The following NCALD variants were observed in gnomAD, a reference collection of about 807,000 sequenced individuals.
NCALD encodes neurocalcin-delta.
Under a neutral mutation model 18.6 loss-of-function variants are expected in NCALD, and 10 were observed. That is an observed-to-expected ratio of 0.54 (90% confidence interval 0.33 to 0.91). The LOEUF is 0.91. Ranked by LOEUF, NCALD falls within the 40% of genes least tolerant of loss-of-function variation. The pLI is 0.03. For missense variants in NCALD, 184 were observed against 247.6 expected (o/e 0.74, Z 1.72); for synonymous variants, 88 against 87.4 (o/e 1.01, Z -0.04).
intron 3 of NCALD, among the ~76,000 whole-genome samples, chr8:101,903,774 C>T (rs2131577571): frequency 6.6e-6 from 1 of 152,316 alleles, no homozygotes; most frequent in East Asian, 1.9e-4. Context: ...TGTTTTCTTC[C>T]TCAGTCTCAT....
At chr8:101,730,479 CAAAA>C (rs869241027) in intron 1 of NCALD, among the ~76,000 whole-genome samples, 13 of 43,668 alleles carry the variant, frequency 3.0e-4, no homozygotes, top group Admixed American at 6.0e-4. Context: ...GACTCCATCT[CAAAA>C]AAAAAAAAAA....
At chr8:101,819,797 C>A (rs1275734614) in intron 4 of NCALD, among the ~76,000 whole-genome samples, 1 of 152,130 alleles carries the variant, frequency 6.6e-6, no homozygotes, top group East Asian at 1.9e-4. Flanking sequence ...GGCGGTGGTA[C>A]AGAGTGAAGA....
At chr8:101,823,782 T>A (rs893113596) in intron 4 of NCALD, among the ~76,000 whole-genome samples, 4 of 152,156 alleles carry the variant, frequency 2.6e-5, no homozygotes, top group African/African-American at 9.7e-5. Flanking sequence ...CTGAGTATGG[T>A]GGAGGCTGAC....
At chr8:102,029,877 T>C (rs1482891021) in intron 1 of NCALD, among the ~76,000 whole-genome samples, 1 of 152,206 alleles carries the variant, frequency 6.6e-6, no homozygotes, top group African/African-American at 2.4e-5. Flanking sequence ...AGATTAATTA[T>C]ATTATTCCTA....
At chr8:101,866,423 A>G (rs992882127) in intron 4 of NCALD, among the ~76,000 whole-genome samples, 1 of 152,114 alleles carries the variant, frequency 6.6e-6, no homozygotes, top group African/African-American at 2.4e-5. Context: ...CACCAAATTT[A>G]TATCTCCAGT....
intron 1 of NCALD, among the ~76,000 whole-genome samples, chr8:101,734,135 G>C (rs1421691802): frequency 6.6e-6 from 1 of 152,190 alleles, no homozygotes; most frequent in Non-Finnish European, 1.5e-5. Flanking sequence ...ACTGCCTCTA[G>C]TTGGTCTTGT....
rs1170479002 is a variant in NCALD, at chr8:101,869,429, T to C, written c.-20+17712A>G. 2.0e-5 allele frequency among the ~76,000 whole-genome samples: 3 copies of C among 152,188 alleles called. No individual in the cohort carries two copies. The East Asian group carries it at 5.8e-4, about 29-fold the overall frequency. ...GGGAAGACATTCTCCCCATAGGGCATCCAGAAGGAATGCAGCCCTGCTGGG... is the reference window on the plus strand; with the variant it reads ...GGGAAGACATTCTCCCCATAGGGCACCCAGAAGGAATGCAGCCCTGCTGGG... On this transcript the variant is annotated intron_variant, in intron 4 of 6. Transcript: ENST00000311028.
chr8:102,040,508 G>A (rs1405226976), intron 1 of NCALD, among the ~76,000 whole-genome samples: 1 of 151,596 alleles, frequency 6.6e-6, no homozygotes, highest in Non-Finnish European at 1.5e-5. Context: ...GAAATCTAAG[G>A]TTTCAACAGA....
chr8:101,891,682 G>A (rs999189595), intron 3 of NCALD, among the ~76,000 whole-genome samples: 15 of 152,224 alleles, frequency 9.9e-5, no homozygotes, highest in Non-Finnish European at 1.6e-4. Context: ...GAAGCAGGGC[G>A]AGGCATTGCC....
chr8:102,003,463 A>T (rs59719503), intron 2 of NCALD, among the ~76,000 whole-genome samples: 2,716 of 152,224 alleles, frequency 0.018, 42 homozygotes, highest in South Asian at 0.085. Flanking sequence ...AAGGAGGAGC[A>T]GGTACCATTC....
intron 2 of NCALD, among the ~76,000 whole-genome samples, chr8:101,988,276 G>A (rs570027738): frequency 6.6e-6 from 1 of 151,658 alleles, no homozygotes; most frequent in East Asian, 1.9e-4. Flanking sequence ...TGGAAAATCT[G>A]AAAAGTGTTA....
At chr8:101,967,011 G>A (rs777563019) in intron 2 of NCALD, among the ~76,000 whole-genome samples, 7 of 152,114 alleles carry the variant, frequency 4.6e-5, no homozygotes, top group Admixed American at 1.3e-4. Flanking sequence ...GAATATATAC[G>A]TGTGTGTGTT....
chr8:101,816,061 T>A (rs1273299305), intron 4 of NCALD, among the ~76,000 whole-genome samples: 2 of 152,190 alleles, frequency 1.3e-5, no homozygotes, highest in African/African-American at 4.8e-5. Flanking sequence ...TACTGTATGA[T>A]TCCAACTATA....
intron 1 of NCALD, among the ~76,000 whole-genome samples, chr8:102,047,132 C>A (rs1823273415): frequency 6.7e-6 from 1 of 148,876 alleles, no homozygotes; most frequent in Admixed American, 6.7e-5. Flanking sequence ...GGTGTTCCTG[C>A]AAAAGACATG....
chr8:101,930,669 G>A (rs962725181), intron 2 of NCALD, among the ~76,000 whole-genome samples: 4 of 152,020 alleles, frequency 2.6e-5, no homozygotes, highest in Admixed American at 6.6e-5. Context: ...AACACAGAGC[G>A]CACACAATGG....
chr8:101,847,554 G>C (rs988461994), intron 4 of NCALD, among the ~76,000 whole-genome samples: 1 of 152,152 alleles, frequency 6.6e-6, no homozygotes, highest in South Asian at 2.1e-4. Context: ...ATATGAGAAA[G>C]GGAAAGCCCC....
intron 2 of NCALD, among the ~76,000 whole-genome samples, chr8:102,019,432 C>T (rs1418878448): frequency 6.6e-6 from 1 of 152,040 alleles, no homozygotes; most frequent in African/African-American, 2.4e-5. Context: ...CATATGTATT[C>T]AACAGAAATA....
At chr8:101,878,940 C>A (rs1816346688) in intron 4 of NCALD, among the ~76,000 whole-genome samples, 1 of 152,182 alleles carries the variant, frequency 6.6e-6, no homozygotes, top group East Asian at 1.9e-4. Flanking sequence ...CCTCATGGAA[C>A]TTAGAGTCTA....
chr8:101,762,868 A>G (rs377481159), intron 1 of NCALD, among the ~76,000 whole-genome samples: 1 of 152,198 alleles, frequency 6.6e-6, no homozygotes, highest in Non-Finnish European at 1.5e-5. Context: ...CACCACGCCC[A>G]GCCAAGGCCT....
Sources: allele counts gnomAD v4.1 joint callset (sites outside exome capture counted in the v4.1 genomes callset), GRCh38; gene constraint gnomAD v4.1.1; transcripts MANE v1.5; gene names NCBI Gene and HGNC (gene_info 2026-07-23, HGNC 2026-07-21).